THRB: variants seen among roughly 807,000 people sequenced by gnomAD.
The protein encoded by THRB is nuclear receptor subfamily 1 group A member 2.
Under a neutral mutation model 47.8 loss-of-function variants are expected in THRB, and 12 were observed. That is an observed-to-expected ratio of 0.25 (90% CI 0.16 to 0.41). THRB has a LOEUF of 0.41. Among genes scored for constraint, THRB ranks in the 10% least tolerant of loss-of-function variants. THRB has a pLI of 1.00. For missense variants in THRB, 348 were observed against 589.2 expected (o/e 0.59, Z 4.24); for synonymous variants, 218 against 212.2 (o/e 1.03, Z -0.24).
At chr3:24,293,251 C>T (rs2056125175) in intron 3 of THRB, among the ~76,000 whole-genome samples, 1 of 152,136 alleles carries the variant, frequency 6.6e-6, no homozygotes, top group Non-Finnish European at 1.5e-5. Context: ...ATTGAGCTTT[C>T]CCTAGAATGT....
chr3:24,313,360 G>A (rs1559901943), intron 2 of THRB, among the ~76,000 whole-genome samples: 1 of 152,172 alleles, frequency 6.6e-6, no homozygotes, highest in South Asian at 2.1e-4. Flanking sequence ...TGCCTTGGAT[G>A]TAGTGCTCCA....
At chr3:24,126,894 T>C (rs1351795550) in intron 10 of THRB, among the ~76,000 whole-genome samples, 1 of 152,168 alleles carries the variant, frequency 6.6e-6, no homozygotes, top group African/African-American at 2.4e-5. Context: ...TGTTTTCGTG[T>C]GCTTGGGACT....
intron 5 of THRB, among the ~76,000 whole-genome samples, chr3:24,187,124 T>C (rs1240677578): frequency 6.6e-6 from 1 of 152,116 alleles, no homozygotes; most frequent in African/African-American, 2.4e-5. Context: ...CACAGGACTT[T>C]TACATAGTTC....
chr3:24,439,795 CA>C (rs1226327110), intron 1 of THRB, among the ~76,000 whole-genome samples: 1 of 152,192 alleles, frequency 6.6e-6, no homozygotes, highest in Non-Finnish European at 1.5e-5. Context: ...TTCTCTTCTA[CA>C]GGTGAAAGAG....
chr3:24,437,722 C>G (rs62255438), intron 1 of THRB, among the ~76,000 whole-genome samples: 5,800 of 151,934 alleles, frequency 0.038, 157 homozygotes, highest in Non-Finnish European at 0.057. Context: ...TGGATTTATT[C>G]AAGGATCCTC....
chr3:24,229,876 T>C (rs1193440857), intron 3 of THRB, among the ~76,000 whole-genome samples: 1 of 152,172 alleles, frequency 6.6e-6, no homozygotes, highest in African/African-American at 2.4e-5. Flanking sequence ...GGGCTTGAGG[T>C]CCAACGTTGT....
rs1238307130 is a variant in THRB, at chr3:24,227,518, C to T, written c.22+1420G>A. Reference sequence around the variant, plus strand: ...TATGTGATTCCGATGCCCTCAGCTCCTACAGGTGTGAATCATTGTGATTTG... The same window carrying T: ...TATGTGATTCCGATGCCCTCAGCTCTTACAGGTGTGAATCATTGTGATTTG... On this transcript the variant is annotated intron_variant, in intron 4 of 10. Transcript: ENST00000646209. 2.0e-5 allele frequency among the ~76,000 whole-genome samples: 3 copies of T among 152,270 alleles called. No individual in the cohort carries two copies. The East Asian group carries it at 5.8e-4, about 29-fold the overall frequency.
At chr3:24,274,027 T>C (rs956858523) in intron 3 of THRB, among the ~76,000 whole-genome samples, 2 of 152,214 alleles carry the variant, frequency 1.3e-5, no homozygotes, top group Non-Finnish European at 2.9e-5. Flanking sequence ...TTTAGCAAAA[T>C]AGAAAGATTG....
At chr3:24,424,240 G>A (rs1245775281) in intron 1 of THRB, among the ~76,000 whole-genome samples, 1 of 151,616 alleles carries the variant, frequency 6.6e-6, no homozygotes, top group African/African-American at 2.4e-5. Flanking sequence ...GTTCTGGGGC[G>A]GACATCAGGC....
chr3:24,279,161 A>G (rs1169226731), intron 3 of THRB, among the ~76,000 whole-genome samples: 1 of 152,086 alleles, frequency 6.6e-6, no homozygotes, highest in African/African-American at 2.4e-5. Context: ...TTAATTTTCA[A>G]CTTTCAAAGA....
chr3:24,205,162 GAT>G (rs745326292), intron 4 of THRB, among the ~76,000 whole-genome samples: 5 of 152,132 alleles, frequency 3.3e-5, no homozygotes, highest in Non-Finnish European at 7.4e-5. Flanking sequence ...ACACCACAAA[GAT>G]ACTCCTTGAG....
At chr3:24,415,628 GA>G (rs902339792) in intron 1 of THRB, among the ~76,000 whole-genome samples, 9 of 151,434 alleles carry the variant, frequency 5.9e-5, no homozygotes, top group Non-Finnish European at 5.9e-5. Context: ...ATGTAGTTGA[GA>G]AAAAAAATAT....
At chr3:24,275,222 A>T (rs1047954701) in intron 3 of THRB, among the ~76,000 whole-genome samples, 2 of 152,216 alleles carry the variant, frequency 1.3e-5, no homozygotes, top group African/African-American at 4.8e-5. Flanking sequence ...TGCAAAAAAG[A>T]TTTATAGTCT....
chr3:24,165,476 A>T, intron 5 of THRB: 1 of 602,776 alleles, frequency 1.7e-6, no homozygotes. Context: ...TACACATGAA[A>T]CGCGAAGGGA....
intron 1 of THRB, among the ~76,000 whole-genome samples, chr3:24,462,928 A>C (rs1008647777): frequency 2.6e-5 from 4 of 152,198 alleles, no homozygotes; most frequent in African/African-American, 9.6e-5. Context: ...GCTTCTATGC[A>C]TGAGCAAGAA....
chr3:24,250,546 A>G (rs2050562028), intron 3 of THRB, among the ~76,000 whole-genome samples: 1 of 152,016 alleles, frequency 6.6e-6, no homozygotes, highest in Non-Finnish European at 1.5e-5. Flanking sequence ...AAATTTTAAA[A>G]TCAAATTAGC....
At chr3:24,130,458 G>A (rs1206704554) in intron 9 of THRB, among the ~76,000 whole-genome samples, 1 of 152,184 alleles carries the variant, frequency 6.6e-6, no homozygotes, top group Non-Finnish European at 1.5e-5. Context: ...CAGGGGCTGG[G>A]GGGGCGGTGG....
chr3:24,439,581 A>C, intron 1 of THRB, among the ~76,000 whole-genome samples: 1 of 152,184 alleles, frequency 6.6e-6, no homozygotes, highest in Non-Finnish European at 1.5e-5. Flanking sequence ...CACACGCAAA[A>C]GACTTCACAA....
At chr3:24,217,456 T>C (rs1199391083) in intron 4 of THRB, among the ~76,000 whole-genome samples, 2 of 151,950 alleles carry the variant, frequency 1.3e-5, no homozygotes, top group African/African-American at 4.8e-5. Flanking sequence ...AACCAGTCAA[T>C]GAATGCTATT....
Sources: allele counts gnomAD v4.1 joint callset (sites outside exome capture counted in the v4.1 genomes callset), GRCh38; gene constraint gnomAD v4.1.1; transcripts MANE v1.5; gene names NCBI Gene and HGNC (gene_info 2026-07-23, HGNC 2026-07-21).